C8orf34: variants seen among roughly 807,000 people sequenced by gnomAD.
The protein encoded by C8orf34 is uncharacterized protein C8orf34.
Under a neutral mutation model 68.3 loss-of-function variants are expected in C8orf34, and 65 were observed. That is an observed-to-expected ratio of 0.95 (90% CI 0.78 to 1.17). The LOEUF is 1.17. Ranked by LOEUF, C8orf34 falls within the 50% of genes most tolerant of loss-of-function variation. C8orf34 has a pLI of 0.00. For synonymous variants in C8orf34, 244 were observed against 241.2 expected (o/e 1.01, Z -0.11); for missense variants, 664 against 655.4 (o/e 1.01, Z -0.14).
chr8:68,620,533 C>T (rs1309630322), intron 7 of C8orf34, among the ~76,000 whole-genome samples: 3 of 152,150 alleles, frequency 2.0e-5, no homozygotes, highest in Non-Finnish European at 2.9e-5. Flanking sequence ...TTGCTGTCTA[C>T]TGCCTTGAGG....
At chr8:68,547,279 T>A (rs1218738919) in intron 7 of C8orf34, among the ~76,000 whole-genome samples, 1 of 151,614 alleles carries the variant, frequency 6.6e-6, no homozygotes, top group East Asian at 1.9e-4. Context: ...ATTTGCCAAC[T>A]TAGATATAAG....
At chr8:68,510,987 C>T (rs1433596676) in intron 5 of C8orf34, among the ~76,000 whole-genome samples, 1 of 152,160 alleles carries the variant, frequency 6.6e-6, no homozygotes, top group Non-Finnish European at 1.5e-5. Context: ...GCCAGTCTCC[C>T]CAGTGGGCTT....
chr8:68,700,655 A>T (rs1293396847), intron 8 of C8orf34, among the ~76,000 whole-genome samples: 1 of 152,110 alleles, frequency 6.6e-6, no homozygotes, highest in African/African-American at 2.4e-5. Context: ...AAGCCTGCAA[A>T]GTAATTGGGG....
At chr8:68,543,782 G>A (rs1269030482) in intron 7 of C8orf34, among the ~76,000 whole-genome samples, 1 of 152,266 alleles carries the variant, frequency 6.6e-6, no homozygotes, top group African/African-American at 2.4e-5. Context: ...TAGGGGCTCT[G>A]TTTCCAGTCA....
rs940346994 is a variant in C8orf34 at position 68,640,460 on chromosome 8, C to T, written c.1190C>T (p.Pro397Leu). ...TTTAACCAAGGCCGTCCTACTTACC[C>T]TGCTGAGCCTCAGGCCAAGGTCACA... ...SKFNQGRPTY[P>L]AEPQAKVTLN... The change falls in exon 8 of 14, where the codon CCT (proline) becomes CTT (leucine). Residue 397 changes from proline to leucine, a missense_variant. Transcript: ENST00000518698. The T allele has an allele frequency of 2.5e-6, 4 of 1,613,820 alleles. No individual in the cohort carries two copies. The highest frequency in any genetic ancestry group is 2.7e-5 in the African/African-American group (2 of 74,894).
rs1423934338 is a variant in C8orf34 at position 68,483,377 on chromosome 8, G to T, written c.737-4646G>T. Reference sequence around the variant, plus strand: ...AATTTAGAAAGAAACATTTAATAGGGACTAATGATCAGAAGCCGTGTGTGC... The same window carrying T: ...AATTTAGAAAGAAACATTTAATAGGTACTAATGATCAGAAGCCGTGTGTGC... On this transcript the variant is annotated intron_variant, in intron 4 of 13. Coordinates refer to ENST00000518698, the MANE Select transcript of C8orf34 (RefSeq NM_052958.4). 3.3e-5 allele frequency among the ~76,000 whole-genome samples: 5 copies of T among 152,234 alleles called. No homozygotes were observed. In the East Asian group the frequency reaches 7.7e-4, roughly 24 times the overall value.
intron 5 of C8orf34, among the ~76,000 whole-genome samples, chr8:68,502,501 A>AT (rs1167153373): frequency 3.9e-5 from 6 of 152,240 alleles, no homozygotes; most frequent in African/African-American, 1.4e-4. Context: ...ATAGTGAGTT[A>AT]TAGCAAATAT....
intron 4 of C8orf34, among the ~76,000 whole-genome samples, chr8:68,486,481 T>G (rs963017185): frequency 6.6e-6 from 1 of 152,160 alleles, no homozygotes; most frequent in Non-Finnish European, 1.5e-5. Flanking sequence ...TACCAATGAC[T>G]TCTACCAAAA....
intron 1 of C8orf34, among the ~76,000 whole-genome samples, chr8:68,405,982 A>C (rs754305176): frequency 6.6e-6 from 1 of 152,230 alleles, no homozygotes; most frequent in Non-Finnish European, 1.5e-5. Flanking sequence ...GTATGGGAAC[A>C]TTCAAAAACC....
chr8:68,647,967 G>T (rs1336110383), intron 8 of C8orf34, among the ~76,000 whole-genome samples: 3 of 152,118 alleles, frequency 2.0e-5, no homozygotes, highest in Non-Finnish European at 2.9e-5. Flanking sequence ...AATTTATAAA[G>T]AATCTAATCC....
intron 4 of C8orf34, among the ~76,000 whole-genome samples, chr8:68,472,842 C>T (rs1284583010): frequency 1.3e-5 from 2 of 152,032 alleles, no homozygotes; most frequent in African/African-American, 2.4e-5. Flanking sequence ...CATTCTAAGT[C>T]TTCAAACTCT....
chr8:68,683,291 A>G (rs1011866672), intron 8 of C8orf34, among the ~76,000 whole-genome samples: 4 of 151,830 alleles, frequency 2.6e-5, no homozygotes, highest in Admixed American at 6.6e-5. Flanking sequence ...TAGAATTCAT[A>G]TAAGACTATC....
chr8:68,535,860 C>G (rs1364811495), intron 7 of C8orf34: 1 of 979,800 alleles, frequency 1.0e-6, no homozygotes, highest in Non-Finnish European at 1.2e-6. Flanking sequence ...TTAAGCACCT[C>G]TGAAATTGGT....
At chr8:68,600,006 A>C (rs1817652912) in intron 7 of C8orf34, among the ~76,000 whole-genome samples, 1 of 152,118 alleles carries the variant, frequency 6.6e-6, no homozygotes, top group Non-Finnish European at 1.5e-5. Context: ...ATCTATGGCC[A>C]ATAAGAAAGA....
intron 1 of C8orf34, among the ~76,000 whole-genome samples, chr8:68,427,435 C>A (rs1363663629): frequency 6.6e-6 from 1 of 151,890 alleles, no homozygotes; most frequent in Non-Finnish European, 1.5e-5. Context: ...ATATTAAAAG[C>A]AAATATCAAA....
intron 6 of C8orf34, chr8:68,530,706 AT>A: frequency 1.4e-6 from 1 of 724,180 alleles, no homozygotes; most frequent in East Asian, 8.1e-5. Context: ...TATTTCCACT[AT>A]TAAAGAGTAA....
At chr8:68,516,229 T>TA (rs1391694890) in intron 5 of C8orf34, among the ~76,000 whole-genome samples, 6 of 152,252 alleles carry the variant, frequency 3.9e-5, no homozygotes, top group Non-Finnish European at 7.3e-5. Context: ...GACGTAGAGA[T>TA]ACTTCGTAAT....
At chr8:68,441,180 T>G (rs759116388) in intron 2 of C8orf34, among the ~76,000 whole-genome samples, 1 of 151,938 alleles carries the variant, frequency 6.6e-6, no homozygotes, top group Non-Finnish European at 1.5e-5. Context: ...TTTAGCTGAG[T>G]CTTCTGCCCA....
intron 10 of C8orf34, among the ~76,000 whole-genome samples, chr8:68,763,627 AGAATAT>A (rs112939100): frequency 0.071 from 10,768 of 152,194 alleles, 869 homozygotes; most frequent in East Asian, 0.46. Context: ...TCTTGCTACT[AGAATAT>A]CCCCGATCCC....
Sources: allele counts gnomAD v4.1 joint callset (sites outside exome capture counted in the v4.1 genomes callset), GRCh38; gene constraint gnomAD v4.1.1; transcripts MANE v1.5; gene names NCBI Gene and HGNC (gene_info 2026-07-23, HGNC 2026-07-21).